KLHL41: variants seen among roughly 807,000 people sequenced by gnomAD.
The protein encoded by KLHL41 is kelch-like protein 41.
A neutral mutation model predicts 49.2 loss-of-function variants in KLHL41; 31 were observed. That is an observed-to-expected ratio of 0.63 (90% confidence interval 0.47 to 0.85). KLHL41 has a LOEUF of 0.85. Ranked by LOEUF, KLHL41 falls within the 40% of genes least tolerant of loss-of-function variation. The probability of loss-of-function intolerance (pLI) is 0.00; values close to 1 mark genes in which losing one functional copy is unlikely to be tolerated. For synonymous variants in KLHL41, 218 were observed against 258.5 expected, an observed-to-expected ratio of 0.84 and a Z score of 1.50; for missense variants, 663 against 726.7, an observed-to-expected ratio of 0.91 and a Z score of 1.01.
intron 3 of KLHL41, among the ~76,000 whole-genome samples, chr2:169,516,312 A>T (rs1243150856): frequency 6.6e-6 from 1 of 152,278 alleles, no homozygotes; most frequent in African/African-American, 2.4e-5. Context: ...AATGGTAAAT[A>T]TAGCACAGAA....
At chr2:169,511,694 C>A (rs1028982703) in intron 1 of KLHL41, among the ~76,000 whole-genome samples, 1 of 152,136 alleles carries the variant, frequency 6.6e-6, no homozygotes, top group Non-Finnish European at 1.5e-5. Flanking sequence ...ACTGTCTACA[C>A]AAAAGTCGCT....
chr2:169,525,529 A>G, intron 5 of KLHL41, 56 bp from the exon 6 acceptor site: 1 of 1,064,914 alleles, frequency 9.4e-7, no homozygotes, highest in Non-Finnish European at 1.5e-6. Flanking sequence ...TTCTGAACAC[A>G]GGGAAACCTA....
rs1684104246 is a variant in KLHL41 at position 169,515,572 on chromosome 2, C to A, written c.1376+611C>A. Among the ~76,000 whole-genome samples the A allele has an allele frequency of 2.0e-5, 3 of 152,182 alleles. No homozygotes were observed. The South Asian group carries it at 6.2e-4, about 32-fold the overall frequency. On this transcript the variant is annotated intron_variant, in intron 3 of 5. Coordinates refer to ENST00000284669, the MANE Select transcript of KLHL41 (RefSeq NM_006063.3). ...TAATTGTATTTTACTACATTAAAAC[C>A]AATGGGTTTTCTTATTCATTTAGCC...
chr2:169,514,527 A>AT (rs1036405617), intron 1 of KLHL41, 47 bp from the exon 2 acceptor site: 6 of 1,549,380 alleles, frequency 3.9e-6, no homozygotes, highest in South Asian at 1.2e-5. Context: ...TGTACTTCTA[A>AT]TTTTTTTCTA....
In KLHL41 at chr2:169,510,363, A is replaced by G. The variant is rs1438228905; in HGVS notation, c.585A>G (p.Ala195=). ...GCCTAAATGTAGAAAAAGAAGAAGC[A>G]GTATTTGAGGCAGTGATGAAATGGG... The part of the protein sequence containing the change: ...NDSLNVEKEE[A]VFEAVMKWVR... The change falls in exon 1 of 6, where the codon GCA becomes GCG. Residue 195 remains alanine (A), a synonymous_variant. Transcript: ENST00000284669. The surrounding 1 kb of genome is among the most constrained non-coding windows in gnomAD (Gnocchi z 4.2). 6.2e-7 allele frequency: 1 copy of G among 1,614,052 alleles called. No homozygotes were observed. The highest frequency in any genetic ancestry group is 8.5e-7 in the Non-Finnish European group (1 of 1,180,042).
At chr2:169,523,573 C>T (rs1684235401) in intron 5 of KLHL41, among the ~76,000 whole-genome samples, 1 of 152,106 alleles carries the variant, frequency 6.6e-6, no homozygotes, top group African/African-American at 2.4e-5. Context: ...ATTAGAAACA[C>T]TTGGGGAGCT....
intron 4 of KLHL41, among the ~76,000 whole-genome samples, chr2:169,520,298 G>GTGTGTGTGTGTGTGTA (rs1684182384): frequency 8.7e-6 from 1 of 114,364 alleles, no homozygotes; most frequent in Non-Finnish European, 2.0e-5. Flanking sequence ...GTGTGTGTGT[G>GTGTGTGTGTGTGTGTA]TGTGTGTGTG....
Position 169,514,855 on chromosome 2 carries a change from G to A in KLHL41, c.1270G>A (p.Ala424Thr), listed in dbSNP as rs369809844. 3.7e-6 allele frequency: 6 copies of A among 1,600,998 alleles called. No individual in the cohort carries two copies. Among genetic ancestry groups the A allele is most frequent in the African/African-American group, 1.4e-5 (1 of 73,870 alleles). Reference protein sequence around the residue: ...LDSVLCYDPVAAKWNEVKKLP... With the variant: ...LDSVLCYDPVTAKWNEVKKLP... Reference sequence around the variant, plus strand: ...AAATTCTGTCTCGTTTAATTTTAGGGCTGCAAAATGGAACGAAGTAAAAAA... The same window carrying A: ...AAATTCTGTCTCGTTTAATTTTAGGACTGCAAAATGGAACGAAGTAAAAAA... The change falls in exon 3 of 6, where the codon GCT becomes ACT. Residue 424 changes from alanine (A) to threonine (T), a missense_variant and splice_region_variant. Transcript: ENST00000284669.
chr2:169,523,009 C>A (rs1684224746), intron 5 of KLHL41, among the ~76,000 whole-genome samples: 1 of 151,974 alleles, frequency 6.6e-6, no homozygotes, highest in East Asian at 1.9e-4. Context: ...AGGCGTCAGC[C>A]ACCGAGCCCA....
chr2:169,525,610 G>A lies in KLHL41; in HGVS notation c.1735G>A (p.Ala579Thr), dbSNP rs1474434099. 1.2e-6 allele frequency: 2 copies of A among 1,612,530 alleles called. No homozygotes were observed. The highest frequency in any genetic ancestry group is 4.5e-5 in the East Asian group (2 of 44,856). The change falls in exon 6 of 6, where the codon GCT becomes ACT. Residue 579 changes from alanine (A) to threonine (T), a missense_variant. This residue lies in a region of KLHL41 where 528 missense variants were observed against 581.0 expected (regional missense o/e 0.91). Transcript: ENST00000284669. ...WKYEDDKKEW[A>T]GMLKEIRYAS... ...GTATGAAGATGATAAAAAAGAATGG[G>A]CTGGGATGTTGAAGGAAATACGTTA...
intron 3 of KLHL41, among the ~76,000 whole-genome samples, chr2:169,516,967 G>A (rs777345943): frequency 3.3e-5 from 5 of 152,068 alleles, no homozygotes; most frequent in Admixed American, 1.3e-4. Context: ...AGCTGATATC[G>A]CGCCACTGCA....
chr2:169,520,152 CTGTGTGTGTGTGTGTGTGTGTGTG>C (rs59155387), intron 4 of KLHL41, among the ~76,000 whole-genome samples: 25 of 105,032 alleles, frequency 2.4e-4, no homozygotes, highest in East Asian at 6.0e-4. Flanking sequence ...AGGCCTAGCT[CTGTGTGTGTGTGTGTGTGTGTGTG>C]TGTGTGTGTG....
At chr2:169,512,127 T>C (rs1015260533) in intron 1 of KLHL41, among the ~76,000 whole-genome samples, 8 of 152,346 alleles carry the variant, frequency 5.3e-5, no homozygotes, top group Admixed American at 2.0e-4. Context: ...CACAAAATAC[T>C]ATTATACCTT....
rs562502714 is a variant in KLHL41, at chr2:169,510,555, C to T, written c.777C>T (p.Phe259=). Residue 259 remains phenylalanine, a synonymous_variant, in exon 1 of 6, where the codon TTC becomes TTT. Transcript: ENST00000284669. The surrounding 1 kb of genome is among the most constrained non-coding windows in gnomAD (Gnocchi z 4.2). ...AAATCAAAGTTCTAAAAGATGCTTTCGCAGGCAAACTCCCAGAACCTAGCA... is the reference window on the plus strand; with the variant it reads ...AAATCAAAGTTCTAAAAGATGCTTTTGCAGGCAAACTCCCAGAACCTAGCA... ...QKKIKVLKDA[F]AGKLPEPSKN... 115 of 1,614,032 alleles carry T rather than the reference C, an allele frequency of 7.1e-5. No individual in the cohort carries two copies. In the South Asian group the frequency reaches 1.2e-3, roughly 16 times the overall value.
chr2:169,520,275 A>AGTGT lies in KLHL41; in HGVS notation c.1563-553_1563-550dup, dbSNP rs71003095. Among the ~76,000 whole-genome samples the AGTGT allele has an allele frequency of 6.7e-3, 384 of 56,958 alleles. 31 individuals carry two copies. Among genetic ancestry groups the AGTGT allele is most frequent in the African/African-American group, 0.015 (310 of 20,000 alleles). 37.4% of individuals were successfully genotyped at this position (56,958 alleles called of 152,430 possible). A position where few individuals can be genotyped will look rare whatever the true frequency, so the allele number is the denominator to read the frequency against. On this transcript the variant is annotated intron_variant, in intron 4 of 5. Coordinates refer to ENST00000284669, the MANE Select transcript of KLHL41 (RefSeq NM_006063.3). Reference sequence around the variant, plus strand: ...TGGGCTCAAGCTATCCTCCTGCCTCAGTGTGTGTGTGTGTGTGTGTGTGTG... The same window carrying AGTGT: ...TGGGCTCAAGCTATCCTCCTGCCTCAGTGTGTGTGTGTGTGTGTGTGTGTGTGTG...
chr2:169,518,341 G>C lies in KLHL41; in HGVS notation c.1528G>C (p.Ala510Pro). 1.2e-6 allele frequency: 2 copies of C among 1,613,792 alleles called. No individual in the cohort carries two copies. The highest frequency in any genetic ancestry group is 4.5e-5 in the East Asian group (2 of 44,864). The change falls in exon 4 of 6, where the codon GCT becomes CCT. Residue 510 changes from alanine to proline, a missense_variant. By Grantham distance (27) the Ala-to-Pro change is conservative. Around this residue, in one of 3 missense-constraint regions of KLHL41, gnomAD observed 528 missense variants for 581.0 expected, o/e 0.91. Transcript: ENST00000284669. ...AGGVTEDGLS[A>P]SVEAFDLTTN... ...AGGTGTCACTGAAGATGGTCTTTCAGCTTCAGTTGAAGCTTTTGACCTTAC... is the reference window on the plus strand; with the variant it reads ...AGGTGTCACTGAAGATGGTCTTTCACCTTCAGTTGAAGCTTTTGACCTTAC...
At chr2:169,525,323 C>CTCT (rs1261206326) in intron 5 of KLHL41, among the ~76,000 whole-genome samples, 1 of 152,206 alleles carries the variant, frequency 6.6e-6, no homozygotes, top group Non-Finnish European at 1.5e-5. Flanking sequence ...CTATTTATTC[C>CTCT]TCTTCTCTGC....
rs181228139 is a variant in KLHL41, at chr2:169,525,587, A to G, written c.1712A>G (p.Tyr571Cys). The stretch of plus-strand genomic sequence containing the variant: ...TTACTTTTTTTTTCCTCCATCAGGT[A>G]TGAAGATGATAAAAAAGAATGGGCT... ...APTEVNDIWK[Y>C]EDDKKEWAGM... The change falls in exon 6 of 6, where the codon TAT becomes TGT. Residue 571 changes from tyrosine (Y) to cysteine (C), a missense_variant and splice_region_variant. Transcript: ENST00000284669. 230 of 1,589,296 alleles carry G rather than the reference A, an allele frequency of 1.4e-4. 3 individuals carry two copies. The East Asian group carries it at 3.2e-3, about 22-fold the overall frequency.
intron 1 of KLHL41, among the ~76,000 whole-genome samples, chr2:169,513,745 G>A (rs191596035): frequency 2.6e-5 from 4 of 152,276 alleles, no homozygotes; most frequent in African/African-American, 9.6e-5. Flanking sequence ...TACTCTTGCA[G>A]AAAACAGTTT....
Sources: gnomAD v4.1 joint callset for allele counts (sites outside exome capture counted in the v4.1 genomes callset) on GRCh38, gnomAD v4.1.1 for gene constraint, gnomAD v4.1.1 regional missense constraint, Gnocchi (gnomAD v3.1) non-coding constraint, MANE v1.5 for transcripts, NCBI Gene and HGNC (gene_info 2026-07-23, HGNC 2026-07-21) for gene names.